VPS54: variants seen among roughly 807,000 people sequenced by gnomAD.
The protein encoded by VPS54 is vacuolar protein sorting-associated protein 54.
In VPS54, 45 loss-of-function variants were observed where a neutral mutation model predicts 121.5. That is an observed-to-expected ratio of 0.37 (90% CI 0.29 to 0.47). The LOEUF (loss-of-function observed/expected upper bound fraction) is 0.47. Ranked by LOEUF, VPS54 falls within the 20% of genes least tolerant of loss-of-function variation. VPS54 has a pLI of 0.99. For synonymous variants in VPS54, 371 were observed against 385.8 expected, an observed-to-expected ratio of 0.96 and a Z score of 0.45; for missense variants, 1,090 against 1,131.4, an observed-to-expected ratio of 0.96 and a Z score of 0.52.
chr2:63,994,187 CCTTT>C (rs1451791065), intron 1 of VPS54, among the ~76,000 whole-genome samples: 6 of 152,124 alleles, frequency 3.9e-5, no homozygotes, highest in African/African-American at 7.2e-5. Context: ...CTCCTAATTA[CCTTT>C]CTTTTTCTCC....
chr2:64,007,709 T>A (rs1413225284), intron 1 of VPS54, among the ~76,000 whole-genome samples: 1 of 152,162 alleles, frequency 6.6e-6, no homozygotes, highest in Non-Finnish European at 1.5e-5. Flanking sequence ...ATGGAGAAAG[T>A]GCCGAAGAAG....
chr2:63,947,332 A>AT (rs1675026727), intron 9 of VPS54, 51 bp downstream of exon 9: 2 of 1,426,004 alleles, frequency 1.4e-6, no homozygotes, highest in African/African-American at 2.9e-5. Flanking sequence ...ATAAAAATAA[A>AT]CTTCACAAAG....
intron 1 of VPS54, among the ~76,000 whole-genome samples, chr2:64,015,156 T>C (rs921025921): frequency 1.1e-4 from 17 of 151,970 alleles, no homozygotes; most frequent in Non-Finnish European, 7.4e-5. Context: ...AAAAAAGATA[T>C]GACTATATTC....
intron 3 of VPS54, among the ~76,000 whole-genome samples, chr2:63,981,103 A>T (rs1475750443): frequency 6.6e-6 from 1 of 152,158 alleles, no homozygotes; most frequent in Non-Finnish European, 1.5e-5. Flanking sequence ...TACCACTTTA[A>T]TGATTTTAAT....
intron 1 of VPS54, among the ~76,000 whole-genome samples, chr2:64,017,295 C>G (rs1281467885): frequency 8.6e-5 from 13 of 150,302 alleles, no homozygotes; most frequent in Non-Finnish European, 1.9e-4. Context: ...CAAGATAGCG[C>G]CACTGCACTC....
intron 12 of VPS54, among the ~76,000 whole-genome samples, chr2:63,924,401 A>G (rs1331758482): frequency 6.6e-6 from 1 of 152,214 alleles, no homozygotes; most frequent in African/African-American, 2.4e-5. Flanking sequence ...ATATAAACAA[A>G]TCTACATGAA....
intron 9 of VPS54, among the ~76,000 whole-genome samples, chr2:63,946,654 A>G (rs1371493430): frequency 6.6e-6 from 1 of 152,086 alleles, no homozygotes; most frequent in Non-Finnish European, 1.5e-5. Context: ...TTTTTCATAT[A>G]TTAAAAAACT....
At chr2:63,987,556 TC>T (rs1197499596) in intron 1 of VPS54, among the ~76,000 whole-genome samples, 1 of 152,250 alleles carries the variant, frequency 6.6e-6, no homozygotes, top group African/African-American at 2.4e-5. Flanking sequence ...TTTCTATTTC[TC>T]TGAAGAATTT....
rs1672282095 is a variant in VPS54, at chr2:63,892,913, A to G, written c.*517T>C. 1 of 153,718 alleles carries G rather than the reference A, an allele frequency of 6.5e-6. No individual in the cohort carries two copies. The highest frequency in any genetic ancestry group is 2.4e-5 in the African/African-American group (1 of 41,452). 9.5% of individuals were successfully genotyped at this position (153,718 alleles called of 1,614,324 possible). A position where few individuals can be genotyped will look rare whatever the true frequency, so the allele number is the denominator to read the frequency against. ...TTGAATTCCTAAATCCAAGCAATCA[A>G]AAGATGTTTATTTTTTATAGAAAGA... On this transcript the variant is annotated 3_prime_UTR_variant, in exon 23 of 23. Coordinates refer to ENST00000272322, the MANE Select transcript of VPS54 (RefSeq NM_016516.3).
At chr2:64,016,876 T>C (rs1466029417) in intron 1 of VPS54, among the ~76,000 whole-genome samples, 1 of 151,880 alleles carries the variant, frequency 6.6e-6, no homozygotes, top group African/African-American at 2.4e-5. Flanking sequence ...CCCAAAGTGG[T>C]GGGATTACAG....
At chr2:63,912,210 A>T (rs764292805) in intron 20 of VPS54, 135 bp downstream of exon 20, 5 of 933,304 alleles carry the variant, frequency 5.4e-6, no homozygotes, top group African/African-American at 1.7e-5. Flanking sequence ...AAAAAAATTT[A>T]AAATTCTACT....
chr2:63,959,286 T>C (rs1375252973), intron 7 of VPS54, among the ~76,000 whole-genome samples: 1 of 152,208 alleles, frequency 6.6e-6, no homozygotes, highest in Non-Finnish European at 1.5e-5. Flanking sequence ...GGGGTTATAA[T>C]AACAAGTCTT....
chr2:63,986,614 G>A (rs1677065374), intron 1 of VPS54, among the ~76,000 whole-genome samples: 1 of 152,156 alleles, frequency 6.6e-6, no homozygotes, highest in African/African-American at 2.4e-5. Flanking sequence ...TATATTCTTA[G>A]GAGTGGGAAT....
chr2:63,964,104 G>A (rs1178407110), intron 6 of VPS54, among the ~76,000 whole-genome samples: 2 of 152,036 alleles, frequency 1.3e-5, no homozygotes, highest in Admixed American at 6.6e-5. Context: ...TCTTAAAAGC[G>A]AACATGATAA....
intron 1 of VPS54, among the ~76,000 whole-genome samples, chr2:64,002,057 T>C (rs746393255): frequency 8.5e-5 from 13 of 152,222 alleles, no homozygotes; most frequent in Non-Finnish European, 1.6e-4. Context: ...TGGCTAGGGC[T>C]GGTCTGAATG....
At chr2:63,954,406 C>T (rs1005120498) in intron 7 of VPS54, among the ~76,000 whole-genome samples, 1 of 152,068 alleles carries the variant, frequency 6.6e-6, no homozygotes. Flanking sequence ...TTGGAGGATG[C>T]TAGATTTCCA....
chr2:63,908,261 G>A (rs920831975), intron 20 of VPS54, among the ~76,000 whole-genome samples: 4 of 152,056 alleles, frequency 2.6e-5, no homozygotes, highest in Admixed American at 6.6e-5. Context: ...ACTGACACAT[G>A]CTGTAACATC....
intron 1 of VPS54, among the ~76,000 whole-genome samples, chr2:63,995,880 T>C (rs1019437649): frequency 4.6e-5 from 7 of 152,220 alleles, no homozygotes; most frequent in African/African-American, 1.7e-4. Context: ...ATTTTTGAAG[T>C]CTCTCAAGCT....
At chr2:63,978,289 GC>G (rs1676640629) in intron 3 of VPS54, among the ~76,000 whole-genome samples, 1 of 152,288 alleles carries the variant, frequency 6.6e-6, no homozygotes, top group Admixed American at 6.5e-5. Context: ...ATTCCCACCA[GC>G]GGTATATGAG....
Sources: gnomAD v4.1 joint callset for allele counts (sites outside exome capture counted in the v4.1 genomes callset) on GRCh38, gnomAD v4.1.1 for gene constraint, MANE v1.5 for transcripts, NCBI Gene and HGNC (gene_info 2026-07-23, HGNC 2026-07-21) for gene names.